Variants in EMX1 observed in about 807,000 individuals in gnomAD.
EMX1 encodes the protein empty spiracles homeobox 1.
A neutral mutation model predicts 20.1 loss-of-function variants in EMX1; 10 were observed. The ratio of observed to expected loss-of-function variants is 0.50; its 90% CI spans 0.31 to 0.84. The LOEUF (loss-of-function observed/expected upper bound fraction) is 0.84, where lower values mean the gene tolerates loss of function less well. Among genes scored for constraint, EMX1 ranks in the 40% least tolerant of loss-of-function variants. The pLI, the probability that EMX1 is intolerant of heterozygous loss-of-function variation, is 0.05. For synonymous variants in EMX1, 250 were observed against 200.4 expected (o/e 1.25, Z -2.09); for missense variants, 424 against 431.9 (o/e 0.98, Z 0.16).
At position 72,918,310 on chromosome 2, in the gene EMX1, G is replaced by T; in HGVS notation, c.458G>T (p.Arg153Leu). ...PPHSFFGAQHRDPLHFYPWVL... is the reference protein window; with the variant it reads ...PPHSFFGAQHLDPLHFYPWVL... ...CACTCCTTCTTCGGCGCCCAGCACC[G>T]GGACCCTCTCCATTTCTACCCCTGG... Residue 153 changes from arginine (R) to leucine (L), a missense_variant, in exon 1 of 3, where the codon CGG becomes CTG. Arg to Leu is a moderately radical substitution (Grantham distance 102). This residue lies in a region of EMX1 where 333 missense variants were observed against 296.6 expected (regional missense o/e 1.12). Transcript: ENST00000258106. The T allele has an allele frequency of 6.4e-7, 1 of 1,568,452 alleles. No homozygotes were observed. The highest frequency in any genetic ancestry group is 8.6e-7 in the Non-Finnish European group (1 of 1,168,584).
In EMX1 at chr2:72,933,841, G is replaced by A; in HGVS notation, c.760G>A (p.Glu254Lys). 6.2e-7 allele frequency: 1 copy of A among 1,614,276 alleles called. No individual in the cohort carries two copies. Among genetic ancestry groups the A allele is most frequent in the Non-Finnish European group, 8.5e-7 (1 of 1,180,040 alleles). The part of the protein sequence containing the change: ...RTKYKRQKLE[E>K]EGPESEQKKK... ...AAAGTACAAACGGCAGAAGCTGGAG[G>A]AGGAAGGGCCTGAGTCCGAGCAGAA... Residue 254 changes from glutamate to lysine, a missense_variant, in exon 3 of 3, where the codon GAG becomes AAG. Glu to Lys is a moderately conservative substitution (Grantham distance 56). This residue lies in a region of EMX1 where 91 missense variants were observed against 135.2 expected (regional missense o/e 0.67). Coordinates refer to ENST00000258106, the MANE Select transcript of EMX1 (RefSeq NM_004097.3).
rs1671032707 is a variant in EMX1, at chr2:72,918,389, T to C, written c.520+17T>C. 1.5e-6 allele frequency: 2 copies of C among 1,362,402 alleles called. No homozygotes were observed. Among genetic ancestry groups the C allele is most frequent in the Admixed American group, 3.8e-5 (1 of 26,350 alleles). 84.4% of individuals were successfully genotyped at this position (1,362,402 alleles called of 1,614,324 possible). Reference sequence around the variant, plus strand: ...GCTTCCAGGGTGAGTGTCCACGCTGTGCCCGCCGAGGCGGCCGGCCGGCGC... The same window carrying C: ...GCTTCCAGGGTGAGTGTCCACGCTGCGCCCGCCGAGGCGGCCGGCCGGCGC... On this transcript the variant is annotated intron_variant, in intron 1 of 2. Transcript: ENST00000258106.
chr2:72,926,357 C>G, intron 2 of EMX1: 1 of 911,756 alleles, frequency 1.1e-6, no homozygotes, highest in Non-Finnish European at 1.3e-6. Flanking sequence ...TAAAACAAAA[C>G]CAGATAGAAT....
Position 72,917,698 on chromosome 2 carries a change from G to C in EMX1, c.-155G>C, listed in dbSNP as rs1670991884. On this transcript the variant is annotated 5_prime_UTR_variant, in exon 1 of 3. Transcript: ENST00000258106. ...CCTGTGCGGGCGCCTGGAGCTGCCC[G>C]CTCCGCCGCAGCAGCCGCCGCGCCT... The C allele has an allele frequency of 1.5e-6, 1 of 666,482 alleles. No homozygotes were observed. Among genetic ancestry groups the C allele is most frequent in the African/African-American group, 1.9e-5 (1 of 52,292 alleles). The allele number at this position is 666,482 out of a possible 1,614,324, so 41.3% of individuals were successfully genotyped here. A position where few individuals can be genotyped will look rare whatever the true frequency, so the allele number is the denominator to read the frequency against.
At chr2:72,927,180 TA>T (rs1231206355) in intron 2 of EMX1, among the ~76,000 whole-genome samples, 1 of 152,394 alleles carries the variant, frequency 6.6e-6, no homozygotes, top group East Asian at 1.9e-4. Flanking sequence ...AAGAACTATT[TA>T]CCCATTTGTT....
intron 2 of EMX1, chr2:72,926,403 C>G: frequency 1.5e-6 from 1 of 662,184 alleles, no homozygotes; most frequent in Non-Finnish European, 1.9e-6. Flanking sequence ...ACTATCAAAA[C>G]TCAGGGCTAA....
intron 2 of EMX1, 65 bp downstream of exon 2, chr2:72,924,558 T>G (rs1315335942): frequency 3.7e-5 from 54 of 1,468,670 alleles, no homozygotes; most frequent in Non-Finnish European, 4.5e-5. Context: ...GGTGCGCGGG[T>G]GCAGGAGAGG....
chr2:72,916,885 A>G (rs1670973595), upstream of EMX1: 1 of 717,320 alleles, frequency 1.4e-6, no homozygotes, highest in Non-Finnish European at 2.6e-6. Context: ...AGCCCCGCGA[A>G]CAGCTGGAGG....
At position 72,918,137 on chromosome 2, in the gene EMX1, C is replaced by A. The variant is rs1279813429; in HGVS notation, c.285C>A (p.Phe95Leu). Residue 95 changes from phenylalanine (F) to leucine (L), a missense_variant, in exon 1 of 3, where the codon TTC (phenylalanine) becomes TTA (leucine). This residue lies in a region of EMX1 where 333 missense variants were observed against 296.6 expected (regional missense o/e 1.12). Coordinates refer to ENST00000258106, the MANE Select transcript of EMX1 (RefSeq NM_004097.3). ...ACCCCAGCGCGGCCGAGGCGGCCTT[C>A]GTGAGTGGCTTCCCTGCCGCGGCCG... ...YPHPSAAEAAFVSGFPAAAAA... is the reference protein window; with the variant it reads ...YPHPSAAEAALVSGFPAAAAA... The A allele has an allele frequency of 1.3e-6, 2 of 1,496,332 alleles. No homozygotes were observed. Among genetic ancestry groups the A allele is most frequent in the African/African-American group, 1.5e-5 (1 of 68,512 alleles). The allele number at this position is 1,496,332 out of a possible 1,614,324, so 92.7% of individuals were successfully genotyped here. A position where few individuals can be genotyped will look rare whatever the true frequency, so the allele number is the denominator to read the frequency against.
In EMX1 at chr2:72,918,058, T is replaced by G; in HGVS notation, c.206T>G (p.Leu69Arg). 1.4e-6 allele frequency: 2 copies of G among 1,415,208 alleles called. No individual in the cohort carries two copies. The highest frequency in any genetic ancestry group is 1.8e-6 in the Non-Finnish European group (2 of 1,094,404). 87.7% of individuals were successfully genotyped at this position (1,415,208 alleles called of 1,614,324 possible). A position where few individuals can be genotyped will look rare whatever the true frequency, so the allele number is the denominator to read the frequency against. ...GGCGGGGGCGCGGGCTCCCATCTCC[T>G]GGCGGCGGCCGCCTCCGAGGAACCG... Reference protein sequence around the residue: ...TGGGGAGSHLLAAAASEEPLR... With the variant: ...TGGGGAGSHLRAAAASEEPLR... The change falls in exon 1 of 3, where the codon CTG (leucine) becomes CGG (arginine). Residue 69 changes from leucine (L) to arginine (R), a missense_variant. Around this residue, in one of 2 missense-constraint regions of EMX1, gnomAD observed 333 missense variants for 296.6 expected, o/e 1.12. Coordinates refer to ENST00000258106, the MANE Select transcript of EMX1 (RefSeq NM_004097.3).
intron 2 of EMX1, chr2:72,925,536 G>C: frequency 1.6e-6 from 2 of 1,288,448 alleles, no homozygotes; most frequent in South Asian, 1.2e-5. Context: ...CCAGAGTTGC[G>C]AGAGGCCGGC....
intron 2 of EMX1, among the ~76,000 whole-genome samples, chr2:72,924,800 A>G (rs989472310): frequency 2.1e-4 from 32 of 152,174 alleles, no homozygotes; most frequent in Non-Finnish European, 4.0e-4. Context: ...CCCTGGAGGA[A>G]GCGGGTCGCC....
intron 2 of EMX1, among the ~76,000 whole-genome samples, chr2:72,925,060 GCCC>G (rs1172955046): frequency 6.6e-6 from 1 of 152,226 alleles, no homozygotes; most frequent in Non-Finnish European, 1.5e-5. Flanking sequence ...GGAGGGGCCA[GCCC>G]CTGCTTGGGG....
At chr2:72,931,213 C>G (rs1671274211) in intron 2 of EMX1, among the ~76,000 whole-genome samples, 3 of 152,254 alleles carry the variant, frequency 2.0e-5, no homozygotes, top group African/African-American at 4.8e-5. Flanking sequence ...TCTGGCCTAT[C>G]CTGTGCCTGA....
upstream of EMX1, chr2:72,917,066 TGAGTGGGA>T: frequency 1.5e-6 from 1 of 655,920 alleles, no homozygotes. Context: ...CGATGGTGGG[TGAGTGGGA>T]GAGTCCCGGA....
chr2:72,921,734 C>G (rs1559058348), intron 1 of EMX1, among the ~76,000 whole-genome samples: 2 of 152,210 alleles, frequency 1.3e-5, no homozygotes, highest in Non-Finnish European at 1.5e-5. Context: ...TGAATATACC[C>G]TTTAGGACAC....
At chr2:72,916,623 TGAA>T, upstream of EMX1, 1 of 683,206 alleles carries the variant, frequency 1.5e-6, no homozygotes. Flanking sequence ...GGGTGGAAGG[TGAA>T]GGTCGAGGGA....
At chr2:72,927,395 T>G (rs1671223004) in intron 2 of EMX1, among the ~76,000 whole-genome samples, 1 of 152,170 alleles carries the variant, frequency 6.6e-6, no homozygotes, top group Non-Finnish European at 1.5e-5. Flanking sequence ...ATTCCAGGGT[T>G]TTTTCTAGTG....
chr2:72,927,250 C>A (rs1182713687), intron 2 of EMX1, among the ~76,000 whole-genome samples: 5 of 152,238 alleles, frequency 3.3e-5, no homozygotes, highest in African/African-American at 9.6e-5. Flanking sequence ...CAAACTTCAT[C>A]TCCATAGAGC....
Sources: allele counts gnomAD v4.1 joint callset (sites outside exome capture counted in the v4.1 genomes callset), GRCh38; gene constraint gnomAD v4.1.1; regional missense constraint gnomAD v4.1.1; transcripts MANE v1.5; gene names NCBI Gene and HGNC (gene_info 2026-07-23, HGNC 2026-07-21).